FGF14: variants seen among roughly 807,000 people sequenced by gnomAD.
FGF14 encodes the protein fibroblast growth factor 14, also known as fibroblast growth factor homologous factor 4.
Under a neutral mutation model 25.5 loss-of-function variants are expected in FGF14, and 5 were observed. The observed-to-expected ratio is 0.20, with a 90% confidence interval of 0.10 to 0.41. The LOEUF (loss-of-function observed/expected upper bound fraction) is 0.41, where lower values mean the gene tolerates loss of function less well. Ranked by LOEUF, FGF14 falls within the 10% of genes least tolerant of loss-of-function variation. FGF14 has a pLI of 1.00. For synonymous variants in FGF14, 138 were observed against 118.3 expected (o/e 1.17, Z -1.08); for missense variants, 222 against 320.1 (o/e 0.69, Z 2.34).
At chr13:101,894,697 C>T (rs2138924771) in intron 1 of FGF14, among the ~76,000 whole-genome samples, 1 of 152,188 alleles carries the variant, frequency 6.6e-6, no homozygotes, top group Middle Eastern at 3.4e-3. Context: ...CTCTAGCTTC[C>T]TATCATGGTT....
At chr13:101,735,765 T>G (rs2139747898) in intron 3 of FGF14, among the ~76,000 whole-genome samples, 1 of 152,050 alleles carries the variant, frequency 6.6e-6, no homozygotes, top group South Asian at 2.1e-4. Flanking sequence ...TGAGTAAAAA[T>G]TGAGCTCTAA....
chr13:102,107,831 GAA>G lies in FGF14; in HGVS notation c.209-232537_209-232536del, dbSNP rs1167125760. On this transcript the variant is annotated intron_variant, in intron 1 of 4. Transcript: ENST00000376131. ...AACTGCAAGACATACTCAGAAAACA[GAA>G]AGTCATATGGCTTGACTCTATCATA... is the stretch of plus-strand genomic sequence containing the variant. Among the ~76,000 whole-genome samples, 3 of 152,188 alleles carry G rather than the reference GAA, an allele frequency of 2.0e-5. No individual in the cohort carries two copies. In the South Asian group the frequency reaches 6.2e-4, roughly 32 times the overall value.
chr13:101,798,612 C>G (rs928870530), intron 3 of FGF14, among the ~76,000 whole-genome samples: 2 of 152,070 alleles, frequency 1.3e-5, no homozygotes, highest in African/African-American at 2.4e-5. Flanking sequence ...ATTGAATATG[C>G]ACATAGGTTA....
intron 3 of FGF14, among the ~76,000 whole-genome samples, chr13:101,849,357 G>A (rs2043628451): frequency 6.6e-6 from 1 of 151,982 alleles, no homozygotes; most frequent in Non-Finnish European, 1.5e-5. Context: ...TTATTTAAAT[G>A]GAGGAACATT....
At chr13:101,993,258 T>C (rs2039002571) in intron 1 of FGF14, among the ~76,000 whole-genome samples, 1 of 149,872 alleles carries the variant, frequency 6.7e-6, no homozygotes, top group Non-Finnish European at 1.5e-5. Flanking sequence ...TGAAAAATTA[T>C]CCTTCAAAAA....
intron 1 of FGF14, among the ~76,000 whole-genome samples, chr13:102,001,791 TA>T (rs1377039372): frequency 6.6e-6 from 1 of 151,980 alleles, no homozygotes. Flanking sequence ...GTCAACAGAA[TA>T]AAGAATAAAG....
chr13:102,308,809 A>G (rs1391722751), intron 1 of FGF14, among the ~76,000 whole-genome samples: 1 of 151,986 alleles, frequency 6.6e-6, no homozygotes, highest in Non-Finnish European at 1.5e-5. Flanking sequence ...GTGCTAAACA[A>G]TAAGACTGGA....
intron 1 of FGF14, among the ~76,000 whole-genome samples, chr13:102,215,965 G>A (rs2050353489): frequency 6.6e-6 from 1 of 152,184 alleles, no homozygotes; most frequent in African/African-American, 2.4e-5. Flanking sequence ...CAGAGGTGCA[G>A]CTAGATCCAG....
chr13:101,906,443 C>G (rs1566412357), intron 1 of FGF14, among the ~76,000 whole-genome samples: 2 of 152,008 alleles, frequency 1.3e-5, no homozygotes, highest in East Asian at 3.9e-4. Flanking sequence ...TACAGAAATT[C>G]AAAGAGATAA....
intron 1 of FGF14, among the ~76,000 whole-genome samples, chr13:101,990,503 A>C (rs1293378412): frequency 6.6e-6 from 1 of 152,136 alleles, no homozygotes; most frequent in Non-Finnish European, 1.5e-5. Context: ...ATCTATGTCC[A>C]ATTACATATT....
chr13:102,151,340 C>T (rs2047075691), intron 1 of FGF14, among the ~76,000 whole-genome samples: 1 of 152,134 alleles, frequency 6.6e-6, no homozygotes, highest in Non-Finnish European at 1.5e-5. Flanking sequence ...ACCCAAAGTA[C>T]CCAAAGTAAG....
At chr13:101,950,647 A>G (rs953022217) in intron 1 of FGF14, among the ~76,000 whole-genome samples, 1 of 152,194 alleles carries the variant, frequency 6.6e-6, no homozygotes, top group African/African-American at 2.4e-5. Context: ...CTTTTCGTTC[A>G]AAGGGAAAAG....
chr13:101,732,349 T>C (rs1024793983), intron 3 of FGF14, among the ~76,000 whole-genome samples: 1 of 152,180 alleles, frequency 6.6e-6, no homozygotes, highest in Non-Finnish European at 1.5e-5. Flanking sequence ...TAACATTTTT[T>C]AGAATACTAG....
intron 1 of FGF14, among the ~76,000 whole-genome samples, chr13:102,079,850 C>G (rs549640788): frequency 2.6e-5 from 4 of 152,174 alleles, no homozygotes; most frequent in Non-Finnish European, 5.9e-5. Flanking sequence ...ATTATGAAGA[C>G]GACCTTTGAG....
At chr13:101,950,276 G>A (rs540588423) in intron 1 of FGF14, among the ~76,000 whole-genome samples, 93 of 152,248 alleles carry the variant, frequency 6.1e-4, no homozygotes, top group African/African-American at 2.2e-3. Context: ...CTAGTAGTTG[G>A]CTACTCTGTT....
chr13:102,178,982 G>C (rs2048560245), intron 1 of FGF14, among the ~76,000 whole-genome samples: 1 of 152,086 alleles, frequency 6.6e-6, no homozygotes. Flanking sequence ...AAGAGATACT[G>C]AGGAAATCAG....
chr13:101,885,637 C>T (rs557609140), intron 1 of FGF14, among the ~76,000 whole-genome samples: 1 of 150,962 alleles, frequency 6.6e-6, no homozygotes, highest in African/African-American at 2.4e-5. Flanking sequence ...TTGCTCAGTA[C>T]ATGAAGTTTC....
At chr13:102,149,400 T>TTA (rs1408645127) in intron 1 of FGF14, among the ~76,000 whole-genome samples, 1 of 152,144 alleles carries the variant, frequency 6.6e-6, no homozygotes, top group East Asian at 1.9e-4. Flanking sequence ...ATAGCACTTC[T>TTA]TAAAGCCTTT....
intron 1 of FGF14, among the ~76,000 whole-genome samples, chr13:102,160,715 CAA>C (rs1014042250): frequency 1.4e-4 from 22 of 152,084 alleles, no homozygotes; most frequent in African/African-American, 5.3e-4. Flanking sequence ...ATCAGCAAAC[CAA>C]AAGTCCCTAG....
Sources: gnomAD v4.1 joint callset for allele counts (sites outside exome capture counted in the v4.1 genomes callset) on GRCh38, gnomAD v4.1.1 for gene constraint, MANE v1.5 for transcripts, NCBI Gene and HGNC (gene_info 2026-07-23, HGNC 2026-07-21) for gene names.